TTLL5: variants seen among roughly 807,000 people sequenced by gnomAD.
TTLL5 encodes the protein tubulin polyglutamylase TTLL5.
A neutral mutation model predicts 168.4 loss-of-function variants in TTLL5; 132 were observed. The ratio of observed to expected loss-of-function variants is 0.78; its 90% CI spans 0.68 to 0.91. The LOEUF (loss-of-function observed/expected upper bound fraction) is 0.91, where lower values mean the gene tolerates loss of function less well. TTLL5 is among the 40% of genes least tolerant of loss of function. The pLI, the probability that TTLL5 is intolerant of heterozygous loss-of-function variation, is 0.00. For synonymous variants in TTLL5, 546 were observed against 558.6 expected, an observed-to-expected ratio of 0.98 and a Z score of 0.32; for missense variants, 1,545 against 1,581.5, an observed-to-expected ratio of 0.98 and a Z score of 0.39.
intron 28 of TTLL5, among the ~76,000 whole-genome samples, chr14:75,822,147 A>G (rs1894868519): frequency 6.6e-6 from 1 of 152,256 alleles, no homozygotes. Context: ...CAACCTGCAC[A>G]GCCCAATGTC....
intron 29 of TTLL5, among the ~76,000 whole-genome samples, chr14:75,875,540 CA>C (rs200542849): frequency 0.024 from 2,999 of 126,342 alleles, 25 homozygotes; most frequent in Admixed American, 0.038. Flanking sequence ...GACTCCATCT[CA>C]AAAAAAAAAA....
In TTLL5 at chr14:75,717,894, G is replaced by T. The variant is rs746207547; in HGVS notation, c.774G>T (p.Lys258Asn). Residue 258 changes from lysine to asparagine, a missense_variant, in exon 10 of 32, where the codon AAG becomes AAT. Physicochemically the swap from Lys to Asn is moderately conservative, Grantham distance 94 (BLOSUM62 0). Transcript: ENST00000298832. The stretch of plus-strand genomic sequence containing the variant: ...CTGTGCGATATGATCAAGGAGCCAA[G>T]AACATTCGGAACCAGTTCATGCATC... ...FATVRYDQGA[K>N]NIRNQFMHLT... 4 of 1,613,810 alleles carry T rather than the reference G, an allele frequency of 2.5e-6. No individual in the cohort carries two copies. In the East Asian group the frequency reaches 8.9e-5, roughly 36 times the overall value.
chr14:75,762,489 T>G (rs950921233), intron 18 of TTLL5, among the ~76,000 whole-genome samples: 1 of 152,236 alleles, frequency 6.6e-6, no homozygotes, highest in Admixed American at 6.5e-5. Context: ...AATTGTTTGT[T>G]AATTAACCAA....
At chr14:75,754,528 G>A (rs933572298) in intron 18 of TTLL5, among the ~76,000 whole-genome samples, 6 of 152,184 alleles carry the variant, frequency 3.9e-5, no homozygotes, top group Non-Finnish European at 8.8e-5. Context: ...AATTTCCCAG[G>A]AAGGGGAAGG....
intron 27 of TTLL5, among the ~76,000 whole-genome samples, chr14:75,801,571 C>T (rs1463290333): frequency 6.6e-6 from 1 of 152,130 alleles, no homozygotes; most frequent in East Asian, 1.9e-4. Context: ...TTCATGCTAA[C>T]TATATTTTTG....
At chr14:75,809,184 A>C (rs1893835683) in intron 27 of TTLL5, among the ~76,000 whole-genome samples, 1 of 152,142 alleles carries the variant, frequency 6.6e-6, no homozygotes, top group South Asian at 2.1e-4. Flanking sequence ...TATACACTCA[A>C]ACTTATAAAT....
chr14:75,920,190 T>C (rs1487483177), intron 31 of TTLL5, among the ~76,000 whole-genome samples: 1 of 152,126 alleles, frequency 6.6e-6, no homozygotes, highest in African/African-American at 2.4e-5. Flanking sequence ...CAGAAATTAT[T>C]TGCAAATCAT....
intron 28 of TTLL5, among the ~76,000 whole-genome samples, chr14:75,841,138 A>C (rs970540468): frequency 2.0e-5 from 3 of 152,160 alleles, no homozygotes; most frequent in African/African-American, 7.2e-5. Context: ...CCCATCATCC[A>C]ATCACCTCCC....
chr14:75,749,461 A>G (rs1889814735), intron 17 of TTLL5, among the ~76,000 whole-genome samples: 1 of 152,184 alleles, frequency 6.6e-6, no homozygotes, highest in African/African-American at 2.4e-5. Flanking sequence ...GTAACTGTCT[A>G]CAAGCAAATG....
chr14:75,698,776 A>G (rs1886045288), intron 6 of TTLL5, among the ~76,000 whole-genome samples: 1 of 152,100 alleles, frequency 6.6e-6, no homozygotes, highest in African/African-American at 2.4e-5. Context: ...ATGGTGGCCC[A>G]TGCCTGTAGT....
At chr14:75,746,852 C>T (rs942086403) in intron 17 of TTLL5, among the ~76,000 whole-genome samples, 1 of 152,128 alleles carries the variant, frequency 6.6e-6, no homozygotes, top group Admixed American at 6.5e-5. Context: ...GCGTGAGACA[C>T]CGTGCTTGGT....
At chr14:75,930,761 A>G in intron 31 of TTLL5, 1 of 483,488 alleles carries the variant, frequency 2.1e-6, no homozygotes, top group Non-Finnish European at 2.7e-6. Flanking sequence ...ATTAAGTTCT[A>G]AGATCAACCT....
At chr14:75,749,150 T>C (rs1474554618) in intron 17 of TTLL5, among the ~76,000 whole-genome samples, 1 of 152,160 alleles carries the variant, frequency 6.6e-6, no homozygotes, top group African/African-American at 2.4e-5. Flanking sequence ...TATATGTATA[T>C]CTTTTGAAAT....
At chr14:75,856,625 C>CTTTT (rs35004666) in intron 28 of TTLL5, among the ~76,000 whole-genome samples, 2 of 97,272 alleles carry the variant, frequency 2.1e-5, no homozygotes, top group African/African-American at 3.8e-5. Context: ...AGTTGTATTG[C>CTTTT]TTTTTTTTTT....
chr14:75,677,053 T>C (rs34718511), intron 3 of TTLL5, among the ~76,000 whole-genome samples: 6,787 of 152,272 alleles, frequency 0.045, 212 homozygotes, highest in Non-Finnish European at 0.067. Flanking sequence ...ATTACAGGCA[T>C]GAGCCACCAC....
At chr14:75,781,024 G>C (rs1892015712) in intron 24 of TTLL5, among the ~76,000 whole-genome samples, 1 of 152,160 alleles carries the variant, frequency 6.6e-6, no homozygotes. Flanking sequence ...CAGAAGCTCT[G>C]AAAAACTCCT....
At chr14:75,667,846 C>T (rs567649185) in intron 2 of TTLL5, among the ~76,000 whole-genome samples, 8 of 147,860 alleles carry the variant, frequency 5.4e-5, no homozygotes, top group African/African-American at 1.5e-4. Context: ...CTGCAACCTC[C>T]GCCTCCCAGG....
chr14:75,668,596 A>G (rs532571686), intron 2 of TTLL5, among the ~76,000 whole-genome samples: 1 of 152,328 alleles, frequency 6.6e-6, no homozygotes, highest in Admixed American at 6.5e-5. Context: ...AAGAGAATAA[A>G]GTCAGAGGTC....
At chr14:75,701,293 G>A (rs1886253226) in intron 7 of TTLL5, among the ~76,000 whole-genome samples, 1 of 152,090 alleles carries the variant, frequency 6.6e-6, no homozygotes, top group African/African-American at 2.4e-5. Context: ...TAATTTTATT[G>A]GGATTGTCTT....
Sources: gnomAD v4.1 joint callset for allele counts (sites outside exome capture counted in the v4.1 genomes callset) on GRCh38, gnomAD v4.1.1 for gene constraint, MANE v1.5 for transcripts, NCBI Gene and HGNC (gene_info 2026-07-23, HGNC 2026-07-21) for gene names.